Variants in SMG6 observed in about 807,000 individuals in gnomAD.
The protein encoded by SMG6 is SMG6 nonsense mediated mRNA decay factor.
In SMG6, 66 loss-of-function variants were observed where a neutral mutation model predicts 142.2. That is an observed-to-expected ratio of 0.46 (90% confidence interval 0.38 to 0.57). The LOEUF is 0.57. SMG6 is among the 20% of genes least tolerant of loss of function. SMG6 has a pLI of 0.00. For missense variants in SMG6, 1,793 were observed against 1,832.0 expected (o/e 0.98, Z 0.39); for synonymous variants, 779 against 702.4 (o/e 1.11, Z -1.72).
At chr17:2,192,453 C>T (rs936129193) in intron 10 of SMG6, among the ~76,000 whole-genome samples, 1 of 152,176 alleles carries the variant, frequency 6.6e-6, no homozygotes, top group Non-Finnish European at 1.5e-5. Flanking sequence ...AGAGGGGATT[C>T]TGAGGGCACT....
rs2067747605 is a variant in SMG6 at position 2,060,682 on chromosome 17, C to T, written c.*810G>A. 1 of 152,194 alleles carries T rather than the reference C, an allele frequency of 6.6e-6. No homozygotes were observed. Among genetic ancestry groups the T allele is most frequent in the Non-Finnish European group, 1.5e-5 (1 of 68,130 alleles). The allele number at this position is 152,194 out of a possible 1,614,324, so 9.4% of individuals were successfully genotyped here. On this transcript the variant is annotated 3_prime_UTR_variant, in exon 19 of 19. Transcript: ENST00000263073. ...GGAGCTGAGGGGAGTCAGGACATTT[C>T]CTGAAGAGGAAGCTAGACGGAAAGA... is the stretch of plus-strand genomic sequence containing the variant.
In SMG6 at chr17:2,298,004, G is replaced by C. The variant is rs1477863756; in HGVS notation, c.1899C>G (p.Phe633Leu). Residue 633 changes from phenylalanine (F) to leucine (L), a missense_variant, in exon 3 of 19, where the codon TTC (phenylalanine) becomes TTG (leucine). Phe to Leu is a conservative substitution (Grantham distance 22, BLOSUM62 0). Coordinates refer to ENST00000263073, the MANE Select transcript of SMG6 (RefSeq NM_017575.5). ...TCTGATCCACATTCTGATTATCAGA[G>C]AACTCAATATCTAATAGAATACAGC... ...YERCILLDIEFSDNQNVDQIL... is the reference protein window; with the variant it reads ...YERCILLDIELSDNQNVDQIL... 2 of 1,613,082 alleles carry C rather than the reference G, an allele frequency of 1.2e-6. No individual in the cohort carries two copies. Among genetic ancestry groups the C allele is most frequent in the South Asian group, 1.1e-5 (1 of 91,056 alleles).
At chr17:2,209,200 A>G (rs2072775704) in intron 10 of SMG6, among the ~76,000 whole-genome samples, 1 of 152,114 alleles carries the variant, frequency 6.6e-6, no homozygotes, top group African/African-American at 2.4e-5. Flanking sequence ...AAGATGTAAG[A>G]CAGCTCTATT....
At chr17:2,279,116 A>G (rs1384396815) in intron 8 of SMG6, among the ~76,000 whole-genome samples, 2 of 152,238 alleles carry the variant, frequency 1.3e-5, no homozygotes, top group African/African-American at 4.8e-5. Flanking sequence ...CGAAATGGCC[A>G]GTCTCAGGGA....
chr17:2,218,961 C>T (rs966811472), intron 10 of SMG6, among the ~76,000 whole-genome samples: 1 of 152,150 alleles, frequency 6.6e-6, no homozygotes, highest in African/African-American at 2.4e-5. Flanking sequence ...ATATTCTGTT[C>T]AATCTTGATG....
At chr17:2,242,413 C>T (rs1195528188) in intron 9 of SMG6, among the ~76,000 whole-genome samples, 1 of 147,150 alleles carries the variant, frequency 6.8e-6, no homozygotes, top group African/African-American at 2.6e-5. Context: ...ACCTGTAGTC[C>T]CAGCTACTCG....
chr17:2,244,310 C>T (rs934602335), intron 9 of SMG6, among the ~76,000 whole-genome samples: 1 of 152,122 alleles, frequency 6.6e-6, no homozygotes, highest in Non-Finnish European at 1.5e-5. Flanking sequence ...GACAGCTGCA[C>T]CCAGGGATTT....
At chr17:2,286,438 G>A (rs928685823) in intron 6 of SMG6, among the ~76,000 whole-genome samples, 5 of 151,898 alleles carry the variant, frequency 3.3e-5, no homozygotes, top group African/African-American at 9.7e-5. Flanking sequence ...AGAAAACTGA[G>A]AGCTCAGAAA....
intron 8 of SMG6, among the ~76,000 whole-genome samples, chr17:2,267,618 T>C (rs1341178887): frequency 1.3e-5 from 2 of 152,134 alleles, no homozygotes; most frequent in Non-Finnish European, 2.9e-5. Context: ...ACTTACCTAC[T>C]AGTGCAGAGA....
chr17:2,293,064 G>A lies in SMG6; in HGVS notation c.2152-87C>T, dbSNP rs11868691. The A allele has an allele frequency of 9.0e-4, 845 of 941,488 alleles. 5 individuals carry two copies. The African/African-American group carries it at 0.012, about 14-fold the overall frequency. The allele number at this position is 941,488 out of a possible 1,614,324, so 58.3% of individuals were successfully genotyped here. A position where few individuals can be genotyped will look rare whatever the true frequency, so the allele number is the denominator to read the frequency against. Reference sequence around the variant, plus strand: ...ACAGGGATGGGGTGAAAATGACAATGTAGCACTCGTAAGGCACTAGCGGTC... The same window carrying A: ...ACAGGGATGGGGTGAAAATGACAATATAGCACTCGTAAGGCACTAGCGGTC... On this transcript the variant is annotated intron_variant, in intron 4 of 18. Transcript: ENST00000263073.
chr17:2,301,601 G>A (rs144279027), intron 1 of SMG6, among the ~76,000 whole-genome samples: 188 of 152,304 alleles, frequency 1.2e-3, no homozygotes, highest in Middle Eastern at 3.4e-3. Flanking sequence ...CCAGCACTTT[G>A]GGAGGCCGTG....
At chr17:2,188,975 G>C (rs765650282) in intron 10 of SMG6, among the ~76,000 whole-genome samples, 10 of 152,100 alleles carry the variant, frequency 6.6e-5, no homozygotes, top group African/African-American at 9.7e-5. Flanking sequence ...GAACGCGCCC[G>C]ATCTCGTCTA....
At chr17:2,148,277 C>G (rs2070728212) in intron 13 of SMG6, among the ~76,000 whole-genome samples, 1 of 152,186 alleles carries the variant, frequency 6.6e-6, no homozygotes. Flanking sequence ...TGGGTATACA[C>G]CCAAAAGAAT....
chr17:2,300,925 GA>G (rs1165154576), intron 1 of SMG6, among the ~76,000 whole-genome samples: 2 of 152,170 alleles, frequency 1.3e-5, no homozygotes, highest in East Asian at 1.9e-4. Flanking sequence ...TGAAATGGGG[GA>G]AACCCATCTC....
At chr17:2,272,375 C>T (rs1421847736) in intron 8 of SMG6, among the ~76,000 whole-genome samples, 2 of 152,220 alleles carry the variant, frequency 1.3e-5, no homozygotes, top group East Asian at 3.8e-4. Context: ...CCAAGAGCCT[C>T]TCTCTGTGCT....
chr17:2,192,693 C>T (rs2072201100), intron 10 of SMG6, among the ~76,000 whole-genome samples: 1 of 152,138 alleles, frequency 6.6e-6, no homozygotes, highest in African/African-American at 2.4e-5. Context: ...AGTCAGTTAC[C>T]AGTCAGACAC....
intron 14 of SMG6, among the ~76,000 whole-genome samples, chr17:2,082,489 C>A (rs2068451835): frequency 6.6e-6 from 1 of 152,212 alleles, no homozygotes; most frequent in African/African-American, 2.4e-5. Flanking sequence ...GCCCTGGTTT[C>A]TTTTGAAGAC....
At chr17:2,285,934 A>T (rs142190649) in intron 6 of SMG6, among the ~76,000 whole-genome samples, 1 of 152,110 alleles carries the variant, frequency 6.6e-6, no homozygotes, top group African/African-American at 2.4e-5. Flanking sequence ...TCAGCCTCCC[A>T]AAGTGCTGGG....
chr17:2,098,741 C>T (rs1034661307), intron 13 of SMG6, among the ~76,000 whole-genome samples: 1 of 152,158 alleles, frequency 6.6e-6, no homozygotes, highest in Admixed American at 6.5e-5. Flanking sequence ...AGTGATTCTC[C>T]TGCCTCAGCC....
Sources: gnomAD v4.1 joint callset for allele counts (sites outside exome capture counted in the v4.1 genomes callset) on GRCh38, gnomAD v4.1.1 for gene constraint, MANE v1.5 for transcripts, NCBI Gene and HGNC (gene_info 2026-07-23, HGNC 2026-07-21) for gene names.